The following HIBCH variants were observed in gnomAD, a reference collection of about 807,000 sequenced individuals.
HIBCH encodes the protein 3-hydroxyisobutyryl-CoA hydrolase, mitochondrial.
A neutral mutation model predicts 58.2 loss-of-function variants in HIBCH; 50 were observed. That is an observed-to-expected ratio of 0.86 (90% CI 0.68 to 1.09). The LOEUF (loss-of-function observed/expected upper bound fraction) is 1.09. Among genes scored for constraint, HIBCH ranks in the 50% least tolerant of loss-of-function variants. The pLI, the probability that HIBCH is intolerant of heterozygous loss-of-function variation, is 0.00. For missense variants in HIBCH, 450 were observed against 449.7 expected, an observed-to-expected ratio of 1.00 and a Z score of -0.01; for synonymous variants, 151 against 146.9, an observed-to-expected ratio of 1.03 and a Z score of -0.20.
intron 4 of HIBCH, among the ~76,000 whole-genome samples, chr2:190,293,976 C>T (rs1463316346): frequency 2.7e-5 from 4 of 145,486 alleles, no homozygotes; most frequent in East Asian, 2.0e-4. Context: ...TGTTTAAACA[C>T]GTAAAATATA....
In HIBCH at chr2:190,315,750, T is replaced by TTTTATTATTAA; in HGVS notation, c.35+3965_35+3966insTTAATAATAAA. On this transcript the variant is annotated intron_variant, in intron 1 of 13. Coordinates refer to ENST00000359678, the MANE Select transcript of HIBCH (RefSeq NM_014362.4). The surrounding 1 kb of genome is among the most constrained non-coding windows in gnomAD (Gnocchi z 5.4). ...CAGCAGATGTGGAAACAGAAGGGAG[T>TTTTATTATTAA]GATATTATTAAGAGTTTTTATAAAG... Among the ~76,000 whole-genome samples, 1 of 151,406 alleles carries TTTTATTATTAA rather than the reference T, an allele frequency of 6.6e-6. No homozygotes were observed. Among genetic ancestry groups the TTTTATTATTAA allele is most frequent in the Middle Eastern group, 3.4e-3 (1 of 290 alleles).
chr2:190,192,490 GTATCTA>G (rs1485011344), intron 1 of HIBCH, among the ~76,000 whole-genome samples: 1 of 144,302 alleles, frequency 6.9e-6, no homozygotes, highest in African/African-American at 2.6e-5. Context: ...GTGTGTGTGT[GTATCTA>G]TATATCTATA....
chr2:190,306,859 A>C lies in HIBCH; in HGVS notation c.78+3895T>G, dbSNP rs1200995725. ...ATGAGATTAACGCCCTTATAAAAGA[A>C]ACCCTGGAGAGCTTCTTCACCCCTT... On this transcript the variant is annotated intron_variant, in intron 2 of 13. Transcript: ENST00000359678. This position sits in a 1 kb window ranked among gnomAD's most constrained non-coding sequence, Gnocchi z 4.6. 2.6e-5 allele frequency among the ~76,000 whole-genome samples: 4 copies of C among 152,112 alleles called. No homozygotes were observed. Among genetic ancestry groups the C allele is most frequent in the Non-Finnish European group, 4.4e-5 (3 of 68,016 alleles).
chr2:190,266,145 TA>T (rs1240852445), intron 6 of HIBCH, among the ~76,000 whole-genome samples: 1 of 152,216 alleles, frequency 6.6e-6, no homozygotes, highest in Non-Finnish European at 1.5e-5. Flanking sequence ...ATTAATCCTT[TA>T]AAATATATTA....
intron 4 of HIBCH, among the ~76,000 whole-genome samples, chr2:190,291,985 GT>G (rs557371809): frequency 5.5e-4 from 81 of 146,310 alleles, no homozygotes; most frequent in African/African-American, 2.1e-3. Context: ...TCTCTTGTTT[GT>G]TTTTTGTTTG....
chr2:190,233,432 G>A (rs900785014), intron 11 of HIBCH, among the ~76,000 whole-genome samples: 1 of 152,148 alleles, frequency 6.6e-6, no homozygotes, highest in Non-Finnish European at 1.5e-5. Context: ...TAGTGAATAA[G>A]TCTCACAAGA....
chr2:190,196,263 C>T (rs1689972148), intron 1 of HIBCH, among the ~76,000 whole-genome samples: 1 of 152,028 alleles, frequency 6.6e-6, no homozygotes, highest in Admixed American at 6.5e-5. Context: ...TCTTTTCCCT[C>T]CATTTTTCAG....
chr2:190,193,223 A>AT (rs144509424), intron 1 of HIBCH, among the ~76,000 whole-genome samples: 12 of 151,898 alleles, frequency 7.9e-5, no homozygotes, highest in East Asian at 3.9e-4. Flanking sequence ...TGATCATCTG[A>AT]TTTTTTTTAT....
chr2:190,292,926 C>T (rs193302191), intron 4 of HIBCH, among the ~76,000 whole-genome samples: 3 of 152,018 alleles, frequency 2.0e-5, no homozygotes, highest in Non-Finnish European at 2.9e-5. Flanking sequence ...TGAAAATTTT[C>T]TGAGTGTCCA....
chr2:190,294,754 T>C, intron 3 of HIBCH, 124 bp from the exon 4 acceptor site: 1 of 712,926 alleles, frequency 1.4e-6, no homozygotes, highest in East Asian at 2.7e-5. Context: ...CAGTACATAT[T>C]CTTCTGTAAG....
chr2:190,253,058 G>A lies in HIBCH; in HGVS notation c.518-751C>T, dbSNP rs1038533248. On this transcript the variant is annotated intron_variant, in intron 7 of 13. Coordinates refer to ENST00000359678, the MANE Select transcript of HIBCH (RefSeq NM_014362.4). ...CCAAAAATCAGCCGGGCATGGTGGC[G>A]CATGCCTGTAATCCCAGCTACTGGT... Among the ~76,000 whole-genome samples, 9 of 151,988 alleles carry A rather than the reference G, an allele frequency of 5.9e-5. No individual in the cohort carries two copies. The South Asian group carries it at 8.3e-4, about 14-fold the overall frequency.
At chr2:190,294,511 G>A (rs746905800) in intron 4 of HIBCH, 35 bp downstream of exon 4, 2 of 1,374,824 alleles carry the variant, frequency 1.5e-6, no homozygotes, top group South Asian at 2.3e-5. Flanking sequence ...CTAGTAGGGG[G>A]AAAGAGCACT....
intron 11 of HIBCH, among the ~76,000 whole-genome samples, chr2:190,223,459 A>T (rs964262169): frequency 6.6e-6 from 1 of 152,196 alleles, no homozygotes; most frequent in Non-Finnish European, 1.5e-5. Context: ...GATAAGTGGT[A>T]GTCACTCAAA....
At chr2:190,245,855 T>C (rs1258965236) in intron 10 of HIBCH, among the ~76,000 whole-genome samples, 3 of 152,032 alleles carry the variant, frequency 2.0e-5, no homozygotes, top group Admixed American at 6.5e-5. Context: ...ACAGGCATGG[T>C]AGCAGGTGCC....
rs1446104742 is a variant in HIBCH at position 190,217,551 on chromosome 2, C to T, written c.892-4476G>A. 6.6e-6 allele frequency among the ~76,000 whole-genome samples: 1 copy of T among 152,148 alleles called. No individual in the cohort carries two copies. Among genetic ancestry groups the T allele is most frequent in the Admixed American group, 6.5e-5 (1 of 15,282 alleles). On this transcript the variant is annotated intron_variant, in intron 11 of 13. Coordinates refer to ENST00000359678, the MANE Select transcript of HIBCH (RefSeq NM_014362.4). The surrounding 1 kb of genome is among the most constrained non-coding windows in gnomAD (Gnocchi z 4.6). ...GGCCATATTTAAGCAGGACTACTAA[C>T]CTTTCTACTATGAAAATCAAAGACC... is the stretch of plus-strand genomic sequence containing the variant.
intron 6 of HIBCH, chr2:190,280,815 C>G (rs1687687880): frequency 6.6e-6 from 1 of 152,220 alleles, no homozygotes; most frequent in Admixed American, 6.5e-5. Flanking sequence ...AAGGGCCAAA[C>G]AGAACACTTG....
In HIBCH at chr2:190,310,741, C is replaced by T; in HGVS notation, c.78+13G>A. ...ATACAAATAATGCCAGCAAAACAAACACAATAACTTACCAAATGGTGCAGT... is the reference window on the plus strand; with the variant it reads ...ATACAAATAATGCCAGCAAAACAAATACAATAACTTACCAAATGGTGCAGT... On this transcript the variant is annotated intron_variant, in intron 2 of 13. Transcript: ENST00000359678. 1 of 1,598,040 alleles carries T rather than the reference C, an allele frequency of 6.3e-7. No individual in the cohort carries two copies. Among genetic ancestry groups the T allele is most frequent in the Non-Finnish European group, 8.6e-7 (1 of 1,165,424 alleles).
chr2:190,242,175 C>T (rs1407713749), intron 11 of HIBCH, among the ~76,000 whole-genome samples: 1 of 151,942 alleles, frequency 6.6e-6, no homozygotes, highest in African/African-American at 2.4e-5. Context: ...ATTCTCATTT[C>T]TCTAATCTTG....
intron 3 of HIBCH, among the ~76,000 whole-genome samples, chr2:190,296,492 T>G (rs992731767): frequency 3.3e-5 from 5 of 150,578 alleles, no homozygotes; most frequent in African/African-American, 7.3e-5. Context: ...ATTTGTACAC[T>G]CATCCTCTCA....
Sources: gnomAD v4.1 joint callset for allele counts (sites outside exome capture counted in the v4.1 genomes callset) on GRCh38, gnomAD v4.1.1 for gene constraint, Gnocchi (gnomAD v3.1) non-coding constraint, MANE v1.5 for transcripts, NCBI Gene and HGNC (gene_info 2026-07-23, HGNC 2026-07-21) for gene names.